Variants in USH2A observed in about 807,000 individuals in gnomAD.
USH2A encodes Usher syndrome 2A (autosomal recessive, mild).
In USH2A, 443 loss-of-function variants were observed where a neutral mutation model predicts 538.9. The ratio of observed to expected loss-of-function variants is 0.82; its 90% CI spans 0.76 to 0.89. USH2A has a LOEUF of 0.89. USH2A is among the 40% of genes least tolerant of loss of function. USH2A has a pLI of 0.00. For missense variants in USH2A, 6,633 were observed against 6,324.8 expected (o/e 1.05, Z -1.65); for synonymous variants, 2,413 against 2,273.5 (o/e 1.06, Z -1.75).
chr1:215,784,619 C>T (rs1443530691), intron 52 of USH2A, among the ~76,000 whole-genome samples: 1 of 152,094 alleles, frequency 6.6e-6, no homozygotes, highest in Non-Finnish European at 1.5e-5. Flanking sequence ...AAATTTTTGT[C>T]AGCACTGGTA....
intron 9 of USH2A, among the ~76,000 whole-genome samples, chr1:216,309,754 A>T (rs930382545): frequency 6.6e-6 from 1 of 152,080 alleles, no homozygotes; most frequent in Non-Finnish European, 1.5e-5. Context: ...TTGATCATGA[A>T]TGGATGCTTG....
intron 58 of USH2A, among the ~76,000 whole-genome samples, chr1:215,754,631 G>A (rs572182882): frequency 6.6e-6 from 1 of 152,144 alleles, no homozygotes; most frequent in Admixed American, 6.5e-5. Flanking sequence ...ATTGTCTTGG[G>A]CCACATATAA....
At chr1:216,128,817 T>A (rs2033310198) in intron 21 of USH2A, among the ~76,000 whole-genome samples, 1 of 152,078 alleles carries the variant, frequency 6.6e-6, no homozygotes, top group Non-Finnish European at 1.5e-5. Flanking sequence ...ATAGTCACAC[T>A]ATTTTGTTAC....
In USH2A at chr1:215,674,551, C is replaced by G; in HGVS notation, c.13360G>C (p.Val4454Leu). ...PENMDSPTLQ[V>L]TGSESIEITW... ...ATTTCTATTGATTCTGAGCCTGTGACTTGCAATGTTGGAGAGTCCATGTTC... is the reference window on the plus strand; with the variant it reads ...ATTTCTATTGATTCTGAGCCTGTGAGTTGCAATGTTGGAGAGTCCATGTTC... The change falls in exon 63 of 72, where the codon GTC becomes CTC. Residue 4454 changes from valine (V) to leucine (L), a missense_variant. Transcript: ENST00000307340. 1 of 1,614,106 alleles carries G rather than the reference C, an allele frequency of 6.2e-7. No homozygotes were observed. Among genetic ancestry groups the G allele is most frequent in the Non-Finnish European group, 8.5e-7 (1 of 1,180,010 alleles).
chr1:216,160,160 T>C (rs937591920), intron 21 of USH2A, among the ~76,000 whole-genome samples: 1 of 151,954 alleles, frequency 6.6e-6, no homozygotes, highest in Non-Finnish European at 1.5e-5. Context: ...CTTATTTTTA[T>C]AATTTCTTTT....
intron 38 of USH2A, among the ~76,000 whole-genome samples, chr1:215,904,545 C>T (rs1036653953): frequency 1.3e-5 from 2 of 152,018 alleles, no homozygotes; most frequent in African/African-American, 4.8e-5. Flanking sequence ...GGCTCCTTAG[C>T]ACCAAAGCAA....
rs566085607 is a variant in USH2A, at chr1:216,107,758, A to ATT, written c.4628-10546_4628-10545insAA. Reference sequence around the variant, plus strand: ...TACCTTGTTATGGATTAGAGGAGTTACCTTAACATTCCATTTTGCTACCTT... The same window carrying ATT: ...TACCTTGTTATGGATTAGAGGAGTTATTCCTTAACATTCCATTTTGCTACCTT... On this transcript the variant is annotated intron_variant, in intron 21 of 71. Coordinates refer to ENST00000307340, the MANE Select transcript of USH2A (RefSeq NM_206933.4). 1.6e-3 allele frequency among the ~76,000 whole-genome samples: 240 copies of ATT among 148,316 alleles called. 3 individuals carry two copies. The East Asian group carries it at 0.03, about 18-fold the overall frequency.
At position 215,878,962 on chromosome 1, in the gene USH2A, G is replaced by C. The variant is rs778948971; in HGVS notation, c.8360C>G (p.Thr2787Ser). 1 of 1,614,056 alleles carries C rather than the reference G, an allele frequency of 6.2e-7. No homozygotes were observed. Among genetic ancestry groups the C allele is most frequent in the Non-Finnish European group, 8.5e-7 (1 of 1,179,978 alleles). ...SQKVTHLIPF[T>S]NYSVTIVACS... ...AGCAACAATGGTGACAGAATAATTAGTGAAAGGAATCAGATGAGTAACTTT... is the reference window on the plus strand; with the variant it reads ...AGCAACAATGGTGACAGAATAATTACTGAAAGGAATCAGATGAGTAACTTT... The change falls in exon 42 of 72, where the codon ACT becomes AGT. Residue 2787 changes from threonine (T) to serine (S), a missense_variant. Transcript: ENST00000307340.
chr1:215,788,337 T>C (rs1165851766), intron 51 of USH2A, among the ~76,000 whole-genome samples: 1 of 152,186 alleles, frequency 6.6e-6, no homozygotes, highest in East Asian at 1.9e-4. Context: ...GACTAGTGCA[T>C]AGAAAGGATG....
chr1:215,763,449 G>A (rs1187768875), intron 56 of USH2A, among the ~76,000 whole-genome samples: 1 of 152,098 alleles, frequency 6.6e-6, no homozygotes, highest in Non-Finnish European at 1.5e-5. Context: ...GAGTGAGGAT[G>A]TAGGGAAAGG....
chr1:215,726,368 T>G (rs2102711704), intron 61 of USH2A, among the ~76,000 whole-genome samples: 1 of 152,344 alleles, frequency 6.6e-6, no homozygotes, highest in Non-Finnish European at 1.5e-5. Flanking sequence ...GTACTAATTC[T>G]GAAACAGATA....
intron 21 of USH2A, among the ~76,000 whole-genome samples, chr1:216,157,352 G>C (rs1302011152): frequency 6.6e-6 from 1 of 152,230 alleles, no homozygotes; most frequent in African/African-American, 2.4e-5. Flanking sequence ...GTGGAAAAGA[G>C]AGAATGCTTA....
chr1:216,123,010 A>C (rs1180982146), intron 21 of USH2A, among the ~76,000 whole-genome samples: 1 of 152,198 alleles, frequency 6.6e-6, no homozygotes, highest in Non-Finnish European at 1.5e-5. Context: ...GAAAAGAGCA[A>C]ACTTAATGGG....
chr1:216,100,155 A>C (rs551629838), intron 21 of USH2A, among the ~76,000 whole-genome samples: 82 of 152,326 alleles, frequency 5.4e-4, no homozygotes, highest in African/African-American at 1.8e-3. Context: ...AACTGAAGAA[A>C]AACTTACGGA....
chr1:216,222,440 C>A (rs2035475345), intron 14 of USH2A, among the ~76,000 whole-genome samples: 1 of 152,174 alleles, frequency 6.6e-6, no homozygotes. Flanking sequence ...CCAACAATAT[C>A]CAAGTTCTAA....
At chr1:215,629,772 TC>T (rs368297518) in intron 70 of USH2A, among the ~76,000 whole-genome samples, 6 of 146,096 alleles carry the variant, frequency 4.1e-5, no homozygotes, top group East Asian at 2.0e-4. Context: ...TCTTTTCTTT[TC>T]TTTTTTTTTT....
At chr1:215,812,300 G>C (rs2102791721) in intron 49 of USH2A, among the ~76,000 whole-genome samples, 1 of 152,140 alleles carries the variant, frequency 6.6e-6, no homozygotes, top group East Asian at 1.9e-4. Context: ...CCTAGGTTTT[G>C]AATTTTCTGG....
intron 4 of USH2A, among the ~76,000 whole-genome samples, chr1:216,335,029 C>G (rs890296729): frequency 3.3e-5 from 5 of 151,696 alleles, no homozygotes; most frequent in African/African-American, 1.2e-4. Context: ...GGTACATTCT[C>G]CAGGATAGAT....
intron 29 of USH2A, chr1:216,072,449 C>T (rs2031587335): frequency 3.7e-6 from 1 of 273,430 alleles, no homozygotes; most frequent in African/African-American, 2.3e-5. Flanking sequence ...GTCATAGACA[C>T]CCCTGATTCC....
Sources: gnomAD v4.1 joint callset for allele counts (sites outside exome capture counted in the v4.1 genomes callset) on GRCh38, gnomAD v4.1.1 for gene constraint, MANE v1.5 for transcripts, NCBI Gene and HGNC (gene_info 2026-07-23, HGNC 2026-07-21) for gene names.